SLC22A4: variants seen among roughly 807,000 people sequenced by gnomAD.
SLC22A4 encodes solute carrier family 22 member 4, also known as ET transporter.
A neutral mutation model predicts 56.6 loss-of-function variants in SLC22A4; 39 were observed. That is an observed-to-expected ratio of 0.69 (90% CI 0.53 to 0.90). The LOEUF (loss-of-function observed/expected upper bound fraction) is 0.90, where lower values mean the gene tolerates loss of function less well. SLC22A4 is among the 40% of genes least tolerant of loss of function. The pLI is 0.00. For missense variants in SLC22A4, 594 were observed against 696.5 expected (o/e 0.85, Z 1.66); for synonymous variants, 241 against 281.4 (o/e 0.86, Z 1.44).
chr5:132,315,862 G>A (rs1025677257), intron 3 of SLC22A4, among the ~76,000 whole-genome samples: 15 of 152,038 alleles, frequency 9.9e-5, no homozygotes, highest in African/African-American at 2.4e-4. Flanking sequence ...TATGAGACTC[G>A]TTGTGTTGGG....
At chr5:132,322,683 TTC>T (rs1276086019) in intron 4 of SLC22A4, among the ~76,000 whole-genome samples, 1 of 152,218 alleles carries the variant, frequency 6.6e-6, no homozygotes, top group Non-Finnish European at 1.5e-5. Flanking sequence ...TTCATCACTT[TTC>T]TCTCTCTAGA....
At chr5:132,321,020 T>G (rs942182896) in intron 3 of SLC22A4, 1 of 152,196 alleles carries the variant, frequency 6.6e-6, no homozygotes, top group African/African-American at 2.4e-5. Flanking sequence ...TGGACTCCCA[T>G]CTGGTGCCAT....
At chr5:132,301,697 A>C (rs1441799240) in intron 1 of SLC22A4, among the ~76,000 whole-genome samples, 1 of 152,190 alleles carries the variant, frequency 6.6e-6, no homozygotes, top group African/African-American at 2.4e-5. Flanking sequence ...AATGAAACAG[A>C]CTAACCCTCA....
At chr5:132,321,410 C>T (rs114020728) in intron 3 of SLC22A4, among the ~76,000 whole-genome samples, 336 of 152,238 alleles carry the variant, frequency 2.2e-3, no homozygotes, top group African/African-American at 7.7e-3. Context: ...CCTGATGGGC[C>T]AATGTCTGTT....
At chr5:132,336,520 G>A (rs1580847692) in intron 8 of SLC22A4, among the ~76,000 whole-genome samples, 1 of 152,034 alleles carries the variant, frequency 6.6e-6, no homozygotes, top group East Asian at 1.9e-4. Context: ...GCAAAACTCT[G>A]TCTCAAAAAT....
intron 9 of SLC22A4, among the ~76,000 whole-genome samples, chr5:132,342,945 C>A (rs1751266686): frequency 6.6e-6 from 1 of 152,192 alleles, no homozygotes; most frequent in Admixed American, 6.5e-5. Context: ...CTATCCCCAG[C>A]CTCTCTCCTC....
Position 132,327,267 on chromosome 5 carries a change from T to C in SLC22A4, c.825-10T>C. On this transcript the variant is annotated splice_polypyrimidine_tract_variant and intron_variant, in intron 4 of 9. Coordinates refer to ENST00000200652, the MANE Select transcript of SLC22A4 (RefSeq NM_003059.3). ...GTGAAAAATTATTAAATATTAAAAATAAATTATAGGTTCATTCCTGAATCT... is the reference window on the plus strand; with the variant it reads ...GTGAAAAATTATTAAATATTAAAAACAAATTATAGGTTCATTCCTGAATCT... The C allele has an allele frequency of 6.5e-7, 1 of 1,529,496 alleles. No individual in the cohort carries two copies. Among genetic ancestry groups the C allele is most frequent in the Non-Finnish European group, 8.8e-7 (1 of 1,131,188 alleles). 94.7% of individuals were successfully genotyped at this position (1,529,496 alleles called of 1,614,324 possible).
At chr5:132,327,600 T>C (rs73787127) in intron 5 of SLC22A4, among the ~76,000 whole-genome samples, 197 bp downstream of exon 5, 89 of 152,360 alleles carry the variant, frequency 5.8e-4, no homozygotes, top group Middle Eastern at 3.4e-3. Context: ...CAATAATATA[T>C]GTAAACTGCT....
intron 1 of SLC22A4, among the ~76,000 whole-genome samples, chr5:132,296,137 G>A (rs1749772069): frequency 6.6e-6 from 1 of 152,174 alleles, no homozygotes; most frequent in Non-Finnish European, 1.5e-5. Flanking sequence ...CCTCTCTGTG[G>A]GACAATAGGT....
intron 6 of SLC22A4, among the ~76,000 whole-genome samples, chr5:132,334,271 T>TA (rs1466778087): frequency 2.6e-5 from 4 of 152,234 alleles, no homozygotes; most frequent in African/African-American, 9.6e-5. Context: ...TCTTTTTTGT[T>TA]AAAGAATGAA....
intron 1 of SLC22A4, among the ~76,000 whole-genome samples, chr5:132,304,733 A>G (rs1371573540): frequency 6.6e-6 from 1 of 152,202 alleles, no homozygotes; most frequent in African/African-American, 2.4e-5. Flanking sequence ...CGAGATATGC[A>G]GAGAAACAGA....
intron 6 of SLC22A4, chr5:132,332,235 A>C: frequency 6.8e-6 from 2 of 295,510 alleles, no homozygotes; most frequent in Non-Finnish European, 1.3e-5. Flanking sequence ...AATCACTTGA[A>C]CCCAGGAGGT....
At chr5:132,311,192 G>A (rs1438463851) in intron 1 of SLC22A4, 2 of 152,186 alleles carry the variant, frequency 1.3e-5, no homozygotes, top group Non-Finnish European at 2.9e-5. Flanking sequence ...ATGGAGCTAG[G>A]GCTGGGTGGG....
Position 132,334,783 on chromosome 5 carries a change from ACCTGAACTGTTT to A in SLC22A4, c.1116_1127del (p.Asn373_Leu376del). 1.2e-6 allele frequency: 2 copies of A among 1,614,072 alleles called. No homozygotes were observed. The highest frequency in any genetic ancestry group is 1.7e-6 in the Non-Finnish European group (2 of 1,179,932). ...GCTCCTAATTTACATGGAGATGCCT[ACCTGAACTGTTT>A]CCTCTCTGCCTTGATTGAAATTCCA... On this transcript the variant is annotated inframe_deletion, in exon 7 of 10. Coordinates refer to ENST00000200652, the MANE Select transcript of SLC22A4 (RefSeq NM_003059.3).
In SLC22A4 at chr5:132,313,793, G is replaced by A. The variant is rs1262520158; in HGVS notation, c.652+25G>A. ...GGTAGGAATGGCTTCTGGGACATGG[G>A]GTGCTTCCCTCTAACCCTCTGAAAG... is the stretch of plus-strand genomic sequence containing the variant. On this transcript the variant is annotated intron_variant, in intron 3 of 9. Coordinates refer to ENST00000200652, the MANE Select transcript of SLC22A4 (RefSeq NM_003059.3). The A allele has an allele frequency of 1.9e-6, 3 of 1,612,066 alleles. No homozygotes were observed. In the African/African-American group the frequency reaches 4.0e-5, roughly 22 times the overall value.
In SLC22A4 at chr5:132,300,056, G is replaced by A. The variant is rs550676332; in HGVS notation, c.393+5047G>A. The stretch of plus-strand genomic sequence containing the variant: ...GTCTCCAATCTGTGATTGTTCCTTA[G>A]TCTTTCCTTATCTTTCATGATCTTG... On this transcript the variant is annotated intron_variant, in intron 1 of 9. Coordinates refer to ENST00000200652, the MANE Select transcript of SLC22A4 (RefSeq NM_003059.3). Among the ~76,000 whole-genome samples the A allele has an allele frequency of 1.5e-3, 235 of 152,220 alleles. 2 individuals carry two copies. Among genetic ancestry groups the A allele is most frequent in the African/African-American group, 5.5e-3 (229 of 41,536 alleles).
In SLC22A4 at chr5:132,294,790, GAGCAGCGCCTGGCGC is replaced by G; in HGVS notation, c.176_190del (p.Ser59_Arg63del). 6.2e-7 allele frequency: 1 copy of G among 1,613,210 alleles called. No individual in the cohort carries two copies. The highest frequency in any genetic ancestry group is 2.2e-5 in the East Asian group (1 of 44,868). ...GTCGAGTGCCGGACGCCGCGAACCT[GAGCAGCGCCTGGCGC>G]AACAACAGTGTCCCGCTGCGGCTGC... On this transcript the variant is annotated inframe_deletion, in exon 1 of 10. Coordinates refer to ENST00000200652, the MANE Select transcript of SLC22A4 (RefSeq NM_003059.3). This position sits in a 1 kb window ranked among gnomAD's most constrained non-coding sequence, Gnocchi z 5.6.
In SLC22A4 at chr5:132,312,248, G is replaced by A. The variant is rs138375296; in HGVS notation, c.481G>A (p.Gly161Arg). Residue 161 changes from glycine to arginine, a missense_variant, in exon 2 of 10, where the codon GGG (glycine) becomes AGG (arginine). Gly to Arg is a moderately radical substitution (Grantham distance 125, BLOSUM62 -2). Transcript: ENST00000200652. ...VGVLLGSFVS[G>R]QLSDRFGRKN... ...CGTGCTCCTCGGCTCCTTCGTGTCC[G>A]GGCAGCTGTCAGACAGGTAAGCACA... The A allele has an allele frequency of 3.5e-5, 57 of 1,612,018 alleles. No homozygotes were observed. The highest frequency in any genetic ancestry group is 4.2e-5 in the Non-Finnish European group (50 of 1,178,230).
chr5:132,315,411 G>A (rs1168038141), intron 3 of SLC22A4, among the ~76,000 whole-genome samples: 4 of 152,154 alleles, frequency 2.6e-5, no homozygotes, highest in South Asian at 4.1e-4. Context: ...TGGCATCCCC[G>A]GTTCTATAGA....
Sources: allele counts gnomAD v4.1 joint callset (sites outside exome capture counted in the v4.1 genomes callset), GRCh38; gene constraint gnomAD v4.1.1; non-coding constraint Gnocchi (gnomAD v3.1); transcripts MANE v1.5; gene names NCBI Gene and HGNC (gene_info 2026-07-23, HGNC 2026-07-21).